PCDHA3: variants seen among roughly 807,000 people sequenced by gnomAD.
PCDHA3 encodes protocadherin alpha-3.
In PCDHA3, 41 loss-of-function variants were observed where a neutral mutation model predicts 62.2. That is an observed-to-expected ratio of 0.66 (90% CI 0.51 to 0.86). PCDHA3 has a LOEUF of 0.86. Ranked by LOEUF, PCDHA3 falls within the 40% of genes least tolerant of loss-of-function variation. PCDHA3 has a pLI of 0.00. For synonymous variants in PCDHA3, 640 were observed against 555.4 expected (o/e 1.15, Z -2.14); for missense variants, 1,304 against 1,241.2 (o/e 1.05, Z -0.76).
chr5:140,834,589 A>G (rs2150222134), intron 1 of PCDHA3: 2 of 1,614,090 alleles, frequency 1.2e-6, no homozygotes, highest in South Asian at 1.1e-5. Flanking sequence ...GCGGTGTGCA[A>G]ATTCCGTGGG....
At chr5:140,869,242 C>T (rs781799282) in intron 1 of PCDHA3, 1 of 1,613,610 alleles carries the variant, frequency 6.2e-7, no homozygotes, top group East Asian at 2.2e-5. Context: ...CTTCGTGGGC[C>T]GCATCGCGCA....
chr5:140,821,673 G>A (rs1767026894), intron 1 of PCDHA3: 3 of 1,306,066 alleles, frequency 2.3e-6, no homozygotes, highest in African/African-American at 3.0e-5. Context: ...AAGAAGCTCA[G>A]AAAGGCGATA....
In PCDHA3 at chr5:140,841,379, C is replaced by A. The variant is rs2150314416; in HGVS notation, c.2394+37788C>A. The A allele has an allele frequency of 9.9e-6, 16 of 1,613,486 alleles. No homozygotes were observed. In the African/African-American group the frequency reaches 2.1e-4, roughly 22 times the overall value. ...CTGGCGACTACTACTCTTGCTTCTG[C>A]TCCTCGCAGCCTGGAAGGTGGGGAG... On this transcript the variant is annotated intron_variant, in intron 1 of 3. Coordinates refer to ENST00000522353, the MANE Select transcript of PCDHA3 (RefSeq NM_018906.3).
At chr5:140,969,161 G>A (rs782498682) in intron 1 of PCDHA3, 1 of 1,614,156 alleles carries the variant, frequency 6.2e-7, no homozygotes, top group South Asian at 1.1e-5. Context: ...CTGTCTGACA[G>A]CAGGCTCAGG....
intron 1 of PCDHA3, chr5:140,928,138 A>G (rs1554205540): frequency 1.9e-6 from 3 of 1,614,190 alleles, no homozygotes; most frequent in South Asian, 1.1e-5. Context: ...AGTCCTGATC[A>G]CGGCCTCAGA....
At chr5:141,009,463 A>C in intron 3 of PCDHA3, 164 bp from the exon 4 acceptor site, 1 of 954,884 alleles carries the variant, frequency 1.0e-6, no homozygotes, top group Non-Finnish European at 1.2e-6. Context: ...AAACAAATAA[A>C]TAAATAAGTA....
intron 1 of PCDHA3, among the ~76,000 whole-genome samples, chr5:140,873,125 A>G (rs1252639627): frequency 6.6e-6 from 1 of 152,208 alleles, no homozygotes. Context: ...CAATATTCAA[A>G]GAGTCTATGC....
intron 3 of PCDHA3, among the ~76,000 whole-genome samples, chr5:140,993,203 A>AT (rs200893072): frequency 0.015 from 2,264 of 152,198 alleles, 62 homozygotes; most frequent in African/African-American, 0.051. Flanking sequence ...ACTAAAGCTA[A>AT]TTTTTTTAGC....
Position 140,956,847 on chromosome 5 carries a change from T to G in PCDHA3, c.2395-22102T>G, listed in dbSNP as rs138847680. Among the ~76,000 whole-genome samples the G allele has an allele frequency of 1.6e-4, 24 of 152,262 alleles. 1 individual carries two copies. The East Asian group carries it at 4.6e-3, about 29-fold the overall frequency. ...AATTTAATATTTTTAAATCTTGGGT[T>G]AAATGGTTGAATGAATGTGTGAAAA... On this transcript the variant is annotated intron_variant, in intron 1 of 3. Transcript: ENST00000522353.
chr5:140,879,468 C>T (rs1302590030), intron 1 of PCDHA3, among the ~76,000 whole-genome samples: 2 of 152,006 alleles, frequency 1.3e-5, no homozygotes, highest in African/African-American at 4.8e-5. Context: ...AAGAGAATAC[C>T]GTTGTGATTG....
At chr5:140,841,346 C>G (rs1777168943) in intron 1 of PCDHA3, 1 of 1,612,554 alleles carries the variant, frequency 6.2e-7, no homozygotes, top group Non-Finnish European at 8.5e-7. Context: ...GCGAGGAGAG[C>G]TGGGATCCTG....
intron 1 of PCDHA3, among the ~76,000 whole-genome samples, chr5:140,971,333 G>A (rs1015985935): frequency 6.6e-6 from 1 of 152,194 alleles, no homozygotes. Context: ...AATTATTTCA[G>A]AAAGTGCTTG....
intron 1 of PCDHA3, chr5:140,843,047 G>T (rs2150350980): frequency 1.9e-6 from 3 of 1,594,938 alleles, no homozygotes; most frequent in Non-Finnish European, 2.6e-6. Flanking sequence ...CACTGGTGGC[G>T]CAGCGAGCAA....
At chr5:140,870,392 G>T in intron 1 of PCDHA3, 1 of 1,614,254 alleles carries the variant, frequency 6.2e-7, no homozygotes, top group Non-Finnish European at 8.5e-7. Context: ...CGGGATGGGG[G>T]TTCGCCTTCT....
rs1423136904 is a variant in PCDHA3 at position 140,966,615 on chromosome 5, G to A, written c.2395-12334G>A. 1.0e-5 allele frequency: 8 copies of A among 773,600 alleles called. No individual in the cohort carries two copies. In the Admixed American group the frequency reaches 1.2e-4, roughly 12 times the overall value. The allele number at this position is 773,600 out of a possible 1,614,324, so 47.9% of individuals were successfully genotyped here. A position where few individuals can be genotyped will look rare whatever the true frequency, so the allele number is the denominator to read the frequency against. On this transcript the variant is annotated intron_variant, in intron 1 of 3. Transcript: ENST00000522353. The stretch of plus-strand genomic sequence containing the variant: ...GCCAGGAGCCCTTGGGAGGGCCTAC[G>A]GAGGGAGCGGCCCCAGGCGCTTTCT...
In PCDHA3 at chr5:140,846,477, T is replaced by C. The variant is rs1780501842; in HGVS notation, c.2394+42886T>C. ...GCAACCTCTGCCTCCCGGGTTCAAA[T>C]GATTCTCCTTCCTCAGCCTCCCAAG... is the stretch of plus-strand genomic sequence containing the variant. On this transcript the variant is annotated intron_variant, in intron 1 of 3. Coordinates refer to ENST00000522353, the MANE Select transcript of PCDHA3 (RefSeq NM_018906.3). Among the ~76,000 whole-genome samples the C allele has an allele frequency of 1.4e-5, 2 of 143,268 alleles. 1 individual carries two copies. Among genetic ancestry groups the C allele is most frequent in the Non-Finnish European group, 3.1e-5 (2 of 65,332 alleles). 94.0% of individuals were successfully genotyped at this position (143,268 alleles called of 152,430 possible).
chr5:140,850,962 G>A lies in PCDHA3; in HGVS notation c.2394+47371G>A, dbSNP rs2150504046. On this transcript the variant is annotated intron_variant, in intron 1 of 3. Coordinates refer to ENST00000522353, the MANE Select transcript of PCDHA3 (RefSeq NM_018906.3). Reference sequence around the variant, plus strand: ...AAGATATTATCGATTACTCCCAGGGGCCGTTCAAATAGTTTTATTCATTTT... The same window carrying A: ...AAGATATTATCGATTACTCCCAGGGACCGTTCAAATAGTTTTATTCATTTT... 3.4e-6 allele frequency: 5 copies of A among 1,475,076 alleles called. No homozygotes were observed. In the African/African-American group the frequency reaches 7.1e-5, roughly 21 times the overall value. The allele number at this position is 1,475,076 out of a possible 1,614,324, so 91.4% of individuals were successfully genotyped here. A position where few individuals can be genotyped will look rare whatever the true frequency, so the allele number is the denominator to read the frequency against.
At chr5:140,871,103 C>A (rs202137231) in intron 1 of PCDHA3, 29 of 1,613,172 alleles carry the variant, frequency 1.8e-5, no homozygotes, top group South Asian at 1.2e-4. Context: ...GTGCTGGTGT[C>A]GTTGGTGGAG....
Position 140,838,073 on chromosome 5 carries a change from ATATAGTGTGTGTGTGTGT to A in PCDHA3, c.2394+34483_2394+34500del, listed in dbSNP as rs1181120432. 3.1e-4 allele frequency among the ~76,000 whole-genome samples: 39 copies of A among 126,834 alleles called. 1 individual carries two copies. The highest frequency in any genetic ancestry group is 1.5e-3 in the Admixed American group (18 of 11,662). 83.2% of individuals were successfully genotyped at this position (126,834 alleles called of 152,430 possible). A position where few individuals can be genotyped will look rare whatever the true frequency, so the allele number is the denominator to read the frequency against. ...TGGTTTTCCACTTTAAGTTATATAT[ATATAGTGTGTGTGTGTGT>A]GTGTGTGTGTGTGTGTGTGTGTGTG... On this transcript the variant is annotated intron_variant, in intron 1 of 3. Coordinates refer to ENST00000522353, the MANE Select transcript of PCDHA3 (RefSeq NM_018906.3).
Sources: gnomAD v4.1 joint callset for allele counts (sites outside exome capture counted in the v4.1 genomes callset) on GRCh38, gnomAD v4.1.1 for gene constraint, MANE v1.5 for transcripts, NCBI Gene and HGNC (gene_info 2026-07-23, HGNC 2026-07-21) for gene names.